The following ABCA1 variants were observed in gnomAD, a reference collection of about 807,000 sequenced individuals.
ABCA1 encodes the protein phospholipid-transporting ATPase ABCA1.
Under a neutral mutation model 262.5 loss-of-function variants are expected in ABCA1, and 133 were observed. The ratio of observed to expected loss-of-function variants is 0.51; its 90% CI spans 0.44 to 0.59. The LOEUF (loss-of-function observed/expected upper bound fraction) is 0.59. ABCA1 is among the 20% of genes least tolerant of loss of function. The probability of loss-of-function intolerance (pLI) is 0.00; values close to 1 mark genes in which losing one functional copy is unlikely to be tolerated. For missense variants in ABCA1, 2,452 were observed against 2,777.5 expected (o/e 0.88, Z 2.63); for synonymous variants, 1,022 against 1,043.5 (o/e 0.98, Z 0.40).
chr9:104,792,773 T>A lies in ABCA1; in HGVS notation c.5757+13A>T. The stretch of plus-strand genomic sequence containing the variant: ...AAACTGAAGATGAGCTATTGTAACC[T>A]GTACTCTCTCACCTTCGTCAACTCC... On this transcript the variant is annotated intron_variant, in intron 42 of 49. Transcript: ENST00000374736. 1 of 1,614,092 alleles carries A rather than the reference T, an allele frequency of 6.2e-7. No homozygotes were observed.
At chr9:104,917,541 G>A (rs1313279125) in intron 1 of ABCA1, among the ~76,000 whole-genome samples, 4 of 151,500 alleles carry the variant, frequency 2.6e-5, no homozygotes, top group Non-Finnish European at 5.9e-5. Context: ...GATCACCTGA[G>A]GTCAGGAGTT....
At chr9:104,927,202 T>A in intron 1 of ABCA1, among the ~76,000 whole-genome samples, 1 of 139,156 alleles carries the variant, frequency 7.2e-6, no homozygotes, top group Non-Finnish European at 1.6e-5. Context: ...AGACCGAGAC[T>A]TAAAGGAAAG....
intron 2 of ABCA1, 136 bp from the exon 3 acceptor site, chr9:104,889,331 A>T: frequency 6.5e-7 from 1 of 1,532,186 alleles, no homozygotes; most frequent in Non-Finnish European, 8.8e-7. Flanking sequence ...CCACTCTCTA[A>T]GCTTTAACAG....
Position 104,858,702 on chromosome 9 carries a change from G to A in ABCA1, c.544-4C>T, listed in dbSNP as rs368127774. The A allele has an allele frequency of 1.2e-6, 2 of 1,613,924 alleles. No homozygotes were observed. Among genetic ancestry groups the A allele is most frequent in the African/African-American group, 2.7e-5 (2 of 74,902 alleles). On this transcript the variant is annotated splice_polypyrimidine_tract_variant and splice_region_variant and intron_variant, in intron 6 of 49. Coordinates refer to ENST00000374736, the MANE Select transcript of ABCA1 (RefSeq NM_005502.4). The stretch of plus-strand genomic sequence containing the variant: ...ACTGGTAGCCTTGCAAAAATACCTG[G>A]AAGCATTTCATGCAAAGAGAGACAA...
chr9:104,836,013 G>A (rs1041568218), intron 11 of ABCA1, among the ~76,000 whole-genome samples: 6 of 152,172 alleles, frequency 3.9e-5, no homozygotes, highest in African/African-American at 7.2e-5. Flanking sequence ...TTAGGTCTAC[G>A]GGGCTAGATC....
intron 7 of ABCA1, among the ~76,000 whole-genome samples, chr9:104,853,542 T>A (rs1253511103): frequency 6.6e-6 from 1 of 152,162 alleles, no homozygotes; most frequent in Non-Finnish European, 1.5e-5. Flanking sequence ...GAATGAAAGC[T>A]CCAAGTGCAT....
chr9:104,852,748 A>G (rs1413949661), intron 7 of ABCA1, among the ~76,000 whole-genome samples: 2 of 152,236 alleles, frequency 1.3e-5, no homozygotes, highest in Non-Finnish European at 2.9e-5. Flanking sequence ...GCTGGGAGAA[A>G]GCAAGTAAAC....
intron 5 of ABCA1, among the ~76,000 whole-genome samples, chr9:104,876,108 C>A (rs1838142036): frequency 6.6e-6 from 1 of 152,162 alleles, no homozygotes; most frequent in African/African-American, 2.4e-5. Context: ...GGCTTCCAGC[C>A]ACACCATAGA....
intron 1 of ABCA1, among the ~76,000 whole-genome samples, chr9:104,916,382 G>C (rs1417393469): frequency 6.6e-6 from 1 of 152,128 alleles, no homozygotes; most frequent in African/African-American, 2.4e-5. Flanking sequence ...AAAAATTCCA[G>C]TTGAAAGACG....
chr9:104,822,431 A>C, intron 19 of ABCA1, 65 bp downstream of exon 19: 4 of 1,600,676 alleles, frequency 2.5e-6, no homozygotes, highest in Non-Finnish European at 3.4e-6. Context: ...CTAAGGTATA[A>C]ATTTCTAACT....
At chr9:104,888,592 T>C (rs2118324936) in intron 3 of ABCA1, among the ~76,000 whole-genome samples, 1 of 152,348 alleles carries the variant, frequency 6.6e-6, no homozygotes, top group South Asian at 2.1e-4. Context: ...GTATTTTCTA[T>C]GCTCACTGTA....
At chr9:104,923,842 C>T (rs1178102783) in intron 1 of ABCA1, among the ~76,000 whole-genome samples, 2 of 152,054 alleles carry the variant, frequency 1.3e-5, no homozygotes, top group Non-Finnish European at 2.9e-5. Context: ...GAGTTCAAGA[C>T]CAGTCTGAGC....
rs1254244346 is a variant in ABCA1, at chr9:104,822,502, G to A, written c.2822C>T (p.Thr941Ile). The change falls in exon 19 of 50, where the codon ACC (threonine) becomes ATC (isoleucine). Residue 941 changes from threonine (T) to isoleucine (I), a missense_variant. Physicochemically the swap from Thr to Ile is moderately conservative, Grantham distance 89. Around this residue, in one of 4 missense-constraint regions of ABCA1, gnomAD observed 665 missense variants for 727.3 expected, o/e 0.91. Coordinates refer to ENST00000374736, the MANE Select transcript of ABCA1 (RefSeq NM_005502.4). ...FLGHNGAGKT[T>I]TMSILTGLFP... ...AACCACACCCTCTTCTTACATGGTG[G>A]TCGTCTTCCCCGCTCCATTGTGGCC... The A allele has an allele frequency of 6.2e-7, 1 of 1,613,350 alleles. No homozygotes were observed. The highest frequency in any genetic ancestry group is 8.5e-7 in the Non-Finnish European group (1 of 1,179,916).
chr9:104,921,042 T>C (rs1232137898), intron 1 of ABCA1, among the ~76,000 whole-genome samples: 1 of 152,188 alleles, frequency 6.6e-6, no homozygotes, highest in Non-Finnish European at 1.5e-5. Context: ...TTTTCACCAA[T>C]ATTTGCATCT....
chr9:104,867,092 A>C (rs1837164151), intron 5 of ABCA1, among the ~76,000 whole-genome samples: 1 of 152,216 alleles, frequency 6.6e-6, no homozygotes, highest in South Asian at 2.1e-4. Flanking sequence ...GCAGTGAGTT[A>C]GGGAAAAGAT....
At chr9:104,925,723 G>A (rs1417033229) in intron 1 of ABCA1, among the ~76,000 whole-genome samples, 1 of 152,130 alleles carries the variant, frequency 6.6e-6, no homozygotes, top group Non-Finnish European at 1.5e-5. Context: ...AAGCACTTGG[G>A]AAACAGGCTG....
At chr9:104,864,524 T>C (rs1836912029) in intron 5 of ABCA1, among the ~76,000 whole-genome samples, 1 of 152,120 alleles carries the variant, frequency 6.6e-6, no homozygotes, top group Non-Finnish European at 1.5e-5. Flanking sequence ...CTAAATCCAT[T>C]TATTTGTCGA....
chr9:104,820,707 C>A (rs1050930661), intron 20 of ABCA1, among the ~76,000 whole-genome samples: 9 of 152,126 alleles, frequency 5.9e-5, no homozygotes, highest in African/African-American at 9.7e-5. Flanking sequence ...CATACCAGGG[C>A]CCTGAAGCAC....
Position 104,858,624 on chromosome 9 carries a change from A to G in ABCA1, c.618T>C (p.Leu206=). The G allele has an allele frequency of 6.2e-7, 1 of 1,614,212 alleles. No homozygotes were observed. The highest frequency in any genetic ancestry group is 1.3e-5 in the African/African-American group (1 of 75,060). The change falls in exon 7 of 50, where the codon CTT becomes CTC. Residue 206 remains leucine, a synonymous_variant. Transcript: ENST00000374736. ...AAAGCTCAGAAACTTCTTGGTCACC[A>G]AGTTGAATCATCTCTTCTGATTTTG... The part of the protein sequence containing the change: ...NGSKSEEMIQ[L]GDQEVSELCG...
Sources: gnomAD v4.1 joint callset for allele counts (sites outside exome capture counted in the v4.1 genomes callset) on GRCh38, gnomAD v4.1.1 for gene constraint, gnomAD v4.1.1 regional missense constraint, MANE v1.5 for transcripts, NCBI Gene and HGNC (gene_info 2026-07-23, HGNC 2026-07-21) for gene names.